KLF13: variants seen among roughly 807,000 people sequenced by gnomAD.
The protein encoded by KLF13 is Krueppel-like factor 13.
KLF13 carries 8 observed loss-of-function variants against 16.7 expected under a neutral mutation model. The observed-to-expected ratio is 0.48, with a 90% CI of 0.28 to 0.87. KLF13 has a LOEUF of 0.87. Among genes scored for constraint, KLF13 ranks in the 40% least tolerant of loss-of-function variants. The pLI is 0.10. For synonymous variants in KLF13, 245 were observed against 208.4 expected (o/e 1.18, Z -1.51); for missense variants, 447 against 452.2 (o/e 0.99, Z 0.10).
At chr15:31,400,175 CT>C (rs2040014306) in intron 2 of KLF13, among the ~76,000 whole-genome samples, 1 of 152,236 alleles carries the variant, frequency 6.6e-6, no homozygotes, top group Admixed American at 6.5e-5. Context: ...CCTGGCCTTC[CT>C]CAATGGGGAA....
chr15:31,333,622 C>T (rs763602188), intron 1 of KLF13, among the ~76,000 whole-genome samples: 4 of 151,998 alleles, frequency 2.6e-5, no homozygotes, highest in Non-Finnish European at 5.9e-5. Flanking sequence ...TTTTCCATCT[C>T]GCCTCTCTCT....
At chr15:31,393,506 C>G (rs2039906057) in intron 1 of KLF13, 1 of 152,128 alleles carries the variant, frequency 6.6e-6, no homozygotes, top group African/African-American at 2.4e-5. Context: ...GCCATCCAGC[C>G]CCATCCCAGC....
At chr15:31,379,646 G>A (rs898825640), downstream of KLF13, among the ~76,000 whole-genome samples, 2 of 152,202 alleles carry the variant, frequency 1.3e-5, no homozygotes, top group Non-Finnish European at 2.9e-5. Context: ...ACAAATGTAT[G>A]AGTGTCTCTG....
intron 1 of KLF13, among the ~76,000 whole-genome samples, chr15:31,356,412 C>T (rs913004063): frequency 1.1e-4 from 17 of 152,164 alleles, no homozygotes; most frequent in African/African-American, 4.1e-4. Flanking sequence ...ATTAGCTGGG[C>T]GTGGTGGCGG....
At chr15:31,329,495 G>C (rs1043075312) in intron 1 of KLF13, among the ~76,000 whole-genome samples, 2 of 152,202 alleles carry the variant, frequency 1.3e-5, no homozygotes, top group East Asian at 3.9e-4. Flanking sequence ...GGGTGGCCGA[G>C]GGGAGGGGCT....
intron 2 of KLF13, among the ~76,000 whole-genome samples, chr15:31,397,840 G>GCATTAAAAAA: frequency 7.3e-6 from 1 of 137,580 alleles, no homozygotes; most frequent in Non-Finnish European, 1.5e-5. Context: ...TGGATGTGGG[G>GCATTAAAAAA]TCTGCAGACT....
chr15:31,339,801 A>G (rs954699691), intron 1 of KLF13: 4 of 616,970 alleles, frequency 6.5e-6, no homozygotes, highest in Admixed American at 5.1e-5. Flanking sequence ...GGCTGCGCCC[A>G]GTGGATGTCC....
chr15:31,421,167 G>A (rs1008451174), intron 1 of KLF13, among the ~76,000 whole-genome samples: 1 of 100,216 alleles, frequency 1.0e-5, no homozygotes, highest in African/African-American at 3.2e-5. Flanking sequence ...ATACATTTTG[G>A]TTATTAAAAA....
In KLF13 at chr15:31,329,196, G is replaced by C. The variant is rs2038781776; in HGVS notation, c.577+1407G>C. Among the ~76,000 whole-genome samples the C allele has an allele frequency of 5.9e-5, 9 of 151,882 alleles. No individual in the cohort carries two copies. In the South Asian group the frequency reaches 1.9e-3, roughly 32 times the overall value. On this transcript the variant is annotated intron_variant, in intron 1 of 1. Transcript: ENST00000307145. ...GGCATTCGGGGTCAGTTAAGGGTGT[G>C]GGGGCTCAGGTTGGGGGTGGGAGTC...
intron 1 of KLF13, among the ~76,000 whole-genome samples, chr15:31,382,962 C>T (rs2039746021): frequency 6.6e-6 from 1 of 152,196 alleles, no homozygotes; most frequent in South Asian, 2.1e-4. Context: ...TGACCCCTGC[C>T]CCATCATAAT....
chr15:31,365,724 T>C (rs1018048187), intron 1 of KLF13, among the ~76,000 whole-genome samples: 48 of 151,522 alleles, frequency 3.2e-4, no homozygotes, highest in East Asian at 9.7e-4. Context: ...CAGAGTGGAG[T>C]CCATGCCACA....
At position 31,432,595 on chromosome 15, in the gene KLF13, T is replaced by A. The variant is rs113102367; in HGVS notation, n.118-2775T>A. ...TCCTGAGTAGCTGGGACTATAGGCA[T>A]GCACCACCACACCCAGCTAACTTTT... On this transcript the variant is annotated intron_variant and non_coding_transcript_variant, in intron 1 of 1. Transcript: ENST00000558225. Among the ~76,000 whole-genome samples the A allele has an allele frequency of 1.4e-3, 213 of 152,010 alleles. 2 individuals are homozygous for A. The highest frequency in any genetic ancestry group is 4.6e-3 in the African/African-American group (189 of 41,438).
chr15:31,342,692 G>T (rs965530327), intron 1 of KLF13, among the ~76,000 whole-genome samples: 7 of 152,214 alleles, frequency 4.6e-5, no homozygotes, highest in Non-Finnish European at 7.3e-5. Flanking sequence ...GCCATCTGCG[G>T]ATATATGTAT....
In KLF13 at chr15:31,335,041, G is replaced by A. The variant is rs147319812; in HGVS notation, c.577+7252G>A. Reference sequence around the variant, plus strand: ...AGCTCTGCCATTTGGCCATAAACACGTATGCCTCCATAGCCACGTACATGT... The same window carrying A: ...AGCTCTGCCATTTGGCCATAAACACATATGCCTCCATAGCCACGTACATGT... On this transcript the variant is annotated intron_variant, in intron 1 of 1. Coordinates refer to ENST00000307145, the MANE Select transcript of KLF13 (RefSeq NM_015995.4). Among the ~76,000 whole-genome samples the A allele has an allele frequency of 2.8e-3, 420 of 152,310 alleles. 5 individuals are homozygous for A. Among genetic ancestry groups the A allele is most frequent in the African/African-American group, 9.4e-3 (392 of 41,578 alleles).
At chr15:31,361,461 C>T (rs893576339) in intron 1 of KLF13, among the ~76,000 whole-genome samples, 4 of 152,162 alleles carry the variant, frequency 2.6e-5, no homozygotes, top group Admixed American at 2.0e-4. Context: ...AGCTGCACCC[C>T]TGTAAAGAGT....
At chr15:31,391,311 T>G (rs2039862943), upstream of KLF13, among the ~76,000 whole-genome samples, 1 of 85,714 alleles carries the variant, frequency 1.2e-5, no homozygotes, top group African/African-American at 4.7e-5. Context: ...GTAGGCTGTG[T>G]GGGGCTGTGG....
intron 2 of KLF13, among the ~76,000 whole-genome samples, chr15:31,397,711 CATTATT>C (rs755405139): frequency 4.3e-4 from 65 of 152,286 alleles, no homozygotes; most frequent in Middle Eastern, 3.4e-3. Context: ...GATTTTGTAA[CATTATT>C]ATTATTATGT....
downstream of KLF13, among the ~76,000 whole-genome samples, chr15:31,380,631 G>A (rs1444643165): frequency 6.6e-6 from 1 of 152,158 alleles, no homozygotes; most frequent in Non-Finnish European, 1.5e-5. Context: ...CTTATTCTGG[G>A]GACATGGGTG....
At chr15:31,385,194 A>C (rs1239222163) in intron 1 of KLF13, among the ~76,000 whole-genome samples, 1 of 152,222 alleles carries the variant, frequency 6.6e-6, no homozygotes, top group East Asian at 1.9e-4. Flanking sequence ...TAGAACTGTG[A>C]AAAGTAAATG....
Sources: allele counts gnomAD v4.1 joint callset (sites outside exome capture counted in the v4.1 genomes callset), GRCh38; gene constraint gnomAD v4.1.1; transcripts MANE v1.5; gene names NCBI Gene and HGNC (gene_info 2026-07-23, HGNC 2026-07-21).